The following ADARB2 variants were observed in gnomAD, a reference collection of about 807,000 sequenced individuals.
ADARB2 encodes the protein adenosine deaminase RNA specific B2 (inactive), also known as inactive double-stranded RNA-specific editase B2.
Under a neutral mutation model 62.2 loss-of-function variants are expected in ADARB2, and 25 were observed. The observed-to-expected ratio is 0.40, with a 90% CI of 0.29 to 0.56. The LOEUF (loss-of-function observed/expected upper bound fraction) is 0.56. Among genes scored for constraint, ADARB2 ranks in the 20% least tolerant of loss-of-function variants. The pLI, the probability that ADARB2 is intolerant of heterozygous loss-of-function variation, is 0.43. For synonymous variants in ADARB2, 572 were observed against 500.8 expected (o/e 1.14, Z -1.90); for missense variants, 1,071 against 1,077.4 (o/e 0.99, Z 0.08).
intron 1 of ADARB2, among the ~76,000 whole-genome samples, chr10:1,714,805 C>T (rs928385545): frequency 1.3e-5 from 2 of 152,174 alleles, no homozygotes; most frequent in African/African-American, 4.8e-5. Flanking sequence ...CCATTGGAAC[C>T]AGCTACTCAA....
At chr10:1,649,221 TA>T (rs1184825480) in intron 1 of ADARB2, among the ~76,000 whole-genome samples, 2 of 152,244 alleles carry the variant, frequency 1.3e-5, no homozygotes, top group Non-Finnish European at 2.9e-5. Context: ...AAGGATGATT[TA>T]TTTTTACAGC....
At chr10:1,593,931 G>A (rs1290695140) in intron 1 of ADARB2, among the ~76,000 whole-genome samples, 2 of 152,186 alleles carry the variant, frequency 1.3e-5, no homozygotes, top group Admixed American at 1.3e-4. Flanking sequence ...GGGATTCGGA[G>A]AGCTGCAGGA....
chr10:1,530,084 C>A (rs1261888724), intron 1 of ADARB2, among the ~76,000 whole-genome samples: 1 of 152,096 alleles, frequency 6.6e-6, no homozygotes, highest in Non-Finnish European at 1.5e-5. Context: ...GTGCTGGTAC[C>A]TGTCCACTGC....
chr10:1,453,141 C>T (rs1339338359), intron 1 of ADARB2, among the ~76,000 whole-genome samples: 1 of 152,182 alleles, frequency 6.6e-6, no homozygotes, highest in African/African-American at 2.4e-5. Flanking sequence ...AAAACGTGGC[C>T]TTGAAGGAGT....
At chr10:1,557,621 G>A (rs1034084699) in intron 1 of ADARB2, among the ~76,000 whole-genome samples, 7 of 152,102 alleles carry the variant, frequency 4.6e-5, no homozygotes, top group Non-Finnish European at 7.3e-5. Flanking sequence ...AAGAACTTCC[G>A]GGCCGGGTGC....
chr10:1,554,185 G>C (rs1484275196), intron 1 of ADARB2, among the ~76,000 whole-genome samples: 2 of 152,140 alleles, frequency 1.3e-5, no homozygotes, highest in African/African-American at 2.4e-5. Flanking sequence ...GGTGGCCTGT[G>C]CCCTAGGCTC....
rs368835547 is a variant in ADARB2 at position 1,542,033 on chromosome 10, T to G, written c.101-162873A>C. On this transcript the variant is annotated intron_variant, in intron 1 of 9. Transcript: ENST00000381312. ...ACAGCCGTCCAGACCCCACTCAGAC[T>G]CAGTTCAGACCCTGGATCCGTCCAG... Among the ~76,000 whole-genome samples the G allele has an allele frequency of 7.6e-4, 32 of 41,884 alleles. 1 individual carries two copies. Among genetic ancestry groups the G allele is most frequent in the South Asian group, 1.4e-3 (2 of 1,418 alleles). The allele number at this position is 41,884 out of a possible 152,430, so 27.5% of individuals were successfully genotyped here. A position where few individuals can be genotyped will look rare whatever the true frequency, so the allele number is the denominator to read the frequency against.
intron 1 of ADARB2, among the ~76,000 whole-genome samples, chr10:1,624,410 C>T (rs897362787): frequency 6.6e-6 from 1 of 152,154 alleles, no homozygotes; most frequent in African/African-American, 2.4e-5. Flanking sequence ...GTCTCCTACC[C>T]GTGGCTCCGA....
Position 1,344,623 on chromosome 10 carries a change from G to C in ADARB2, c.1077+18405C>G, listed in dbSNP as rs534280709. The stretch of plus-strand genomic sequence containing the variant: ...CTGGCAGCCACAGGGAGTCGCACAC[G>C]GACCCCATGCCTTTCACAGACTGTT... On this transcript the variant is annotated intron_variant, in intron 3 of 9. Transcript: ENST00000381312. Among the ~76,000 whole-genome samples, 8 of 152,312 alleles carry C rather than the reference G, an allele frequency of 5.3e-5. No homozygotes were observed. The East Asian group carries it at 1.2e-3, about 22-fold the overall frequency.
chr10:1,465,533 C>A (rs913374707), intron 1 of ADARB2, among the ~76,000 whole-genome samples: 1 of 152,204 alleles, frequency 6.6e-6, no homozygotes, highest in Non-Finnish European at 1.5e-5. Context: ...ACACAGTGAG[C>A]CCCAGAATCG....
At chr10:1,503,773 C>G (rs984115747) in intron 1 of ADARB2, among the ~76,000 whole-genome samples, 1 of 151,990 alleles carries the variant, frequency 6.6e-6, no homozygotes, top group Non-Finnish European at 1.5e-5. Context: ...TAGATGTGGT[C>G]TCTAACAGTG....
intron 1 of ADARB2, among the ~76,000 whole-genome samples, chr10:1,463,826 A>C (rs572514923): frequency 1.3e-5 from 2 of 150,600 alleles, no homozygotes; most frequent in South Asian, 4.3e-4. Flanking sequence ...GCACTCTCAA[A>C]ATTCAAAATT....
At chr10:1,544,177 A>C (rs192209075) in intron 1 of ADARB2, among the ~76,000 whole-genome samples, 94 of 152,282 alleles carry the variant, frequency 6.2e-4, no homozygotes, top group Middle Eastern at 6.8e-3. Context: ...TGTTATGTGA[A>C]TATTGAAAGC....
At chr10:1,594,764 T>G (rs1163483175) in intron 1 of ADARB2, among the ~76,000 whole-genome samples, 2 of 152,226 alleles carry the variant, frequency 1.3e-5, no homozygotes, top group Non-Finnish European at 2.9e-5. Context: ...GCCTCCAGTT[T>G]TTCAGCCAGT....
intron 1 of ADARB2, among the ~76,000 whole-genome samples, chr10:1,505,770 C>T (rs1330344825): frequency 6.6e-6 from 1 of 151,556 alleles, no homozygotes; most frequent in Non-Finnish European, 1.5e-5. Context: ...CTCCCCATGC[C>T]CGTGGTTCTG....
In ADARB2 at chr10:1,264,386, C is replaced by A. The variant is rs111387008; in HGVS notation, c.1192+6569G>T. On this transcript the variant is annotated intron_variant, in intron 4 of 9. Coordinates refer to ENST00000381312, the MANE Select transcript of ADARB2 (RefSeq NM_018702.4). The stretch of plus-strand genomic sequence containing the variant: ...ATTGGGGGAATAAACTCCTTATACT[C>A]CGCTTCTCTTAGGTCCTTGTGAAGA... Among the ~76,000 whole-genome samples the A allele has an allele frequency of 5.6e-3, 854 of 152,318 alleles. 6 individuals are homozygous for A. The highest frequency in any genetic ancestry group is 0.01 in the Middle Eastern group (3 of 294).
At position 1,179,006 on chromosome 10, in the gene ADARB2, A is replaced by G. The variant is rs1056952351; in HGVS notation, c.*4187T>C. The stretch of plus-strand genomic sequence containing the variant: ...TTATTTTATTAGAATGGCTTCTTAA[A>G]AAAGGGCATATAAGTTTCCCTAAAT... On this transcript the variant is annotated 3_prime_UTR_variant, in exon 10 of 10. Coordinates refer to ENST00000381312, the MANE Select transcript of ADARB2 (RefSeq NM_018702.4). The G allele has an allele frequency of 6.6e-6, 1 of 152,244 alleles. No homozygotes were observed. Among genetic ancestry groups the G allele is most frequent in the Non-Finnish European group, 1.5e-5 (1 of 68,048 alleles). The allele number at this position is 152,244 out of a possible 1,614,324, so 9.4% of individuals were successfully genotyped here.
intron 1 of ADARB2, among the ~76,000 whole-genome samples, chr10:1,512,069 T>G (rs553445463): frequency 6.9e-6 from 1 of 145,684 alleles, no homozygotes; most frequent in South Asian, 2.2e-4. Flanking sequence ...GTCTACACTG[T>G]ATACCAAGAT....
intron 1 of ADARB2, among the ~76,000 whole-genome samples, chr10:1,634,617 A>G (rs887019156): frequency 1.3e-5 from 2 of 152,220 alleles, no homozygotes; most frequent in Non-Finnish European, 2.9e-5. Context: ...ACTTGGCAAG[A>G]TTCCTGCACT....
Sources: gnomAD v4.1 joint callset for allele counts (sites outside exome capture counted in the v4.1 genomes callset) on GRCh38, gnomAD v4.1.1 for gene constraint, MANE v1.5 for transcripts, NCBI Gene and HGNC (gene_info 2026-07-23, HGNC 2026-07-21) for gene names.